FBXO32: variants seen among roughly 807,000 people sequenced by gnomAD.
The protein encoded by FBXO32 is F-box protein 32, also known as F-box only protein 32.
FBXO32 carries 15 observed loss-of-function variants against 48.3 expected under a neutral mutation model. That is an observed-to-expected ratio of 0.31 (90% confidence interval 0.21 to 0.48). FBXO32 has a LOEUF of 0.48. FBXO32 is among the 20% of genes least tolerant of loss of function. The pLI is 0.99. For missense variants in FBXO32, 309 were observed against 432.7 expected (o/e 0.71, Z 2.54); for synonymous variants, 154 against 165.9 (o/e 0.93, Z 0.55).
rs553983008 is a variant in FBXO32, at chr8:123,531,662, G to A, written c.372+236C>T. Among the ~76,000 whole-genome samples, 12 of 152,284 alleles carry A rather than the reference G, an allele frequency of 7.9e-5. No individual in the cohort carries two copies. The East Asian group carries it at 2.1e-3, about 27-fold the overall frequency. On this transcript the variant is annotated intron_variant, in intron 4 of 8. Coordinates refer to ENST00000517956, the MANE Select transcript of FBXO32 (RefSeq NM_058229.4). ...AATGGCTCTTTAACCGACTCACTGGGGTATTATGGCGGCCCCTGCCCATCC... is the reference window on the plus strand; with the variant it reads ...AATGGCTCTTTAACCGACTCACTGGAGTATTATGGCGGCCCCTGCCCATCC...
At chr8:123,535,827 G>GT (rs397717101) in intron 1 of FBXO32, among the ~76,000 whole-genome samples, 40,120 of 146,650 alleles carry the variant, frequency 0.27, 6,083 homozygotes, top group African/African-American at 0.41. Flanking sequence ...TAAATTAGGG[G>GT]TTTTTTTTTT....
At chr8:123,518,745 AC>A (rs1443843615) in intron 4 of FBXO32, among the ~76,000 whole-genome samples, 1 of 152,188 alleles carries the variant, frequency 6.6e-6, no homozygotes, top group Non-Finnish European at 1.5e-5. Flanking sequence ...TCAGAGAAGT[AC>A]TCACCTAAAG....
intron 4 of FBXO32, among the ~76,000 whole-genome samples, chr8:123,518,055 T>G (rs980417046): frequency 6.6e-6 from 1 of 152,236 alleles, no homozygotes; most frequent in South Asian, 2.1e-4. Context: ...TGGGCATGGG[T>G]GTATTCCAAT....
chr8:123,530,795 T>A (rs1431295455), intron 4 of FBXO32, among the ~76,000 whole-genome samples: 1 of 151,174 alleles, frequency 6.6e-6, no homozygotes, highest in Non-Finnish European at 1.5e-5. Context: ...TTTTTTGTAT[T>A]TTTAGTAGAG....
Position 123,516,370 on chromosome 8 carries a change from A to T in FBXO32, c.373-2037T>A, listed in dbSNP as rs1434003800. Among the ~76,000 whole-genome samples the T allele has an allele frequency of 2.0e-5, 3 of 152,184 alleles. No homozygotes were observed. In the East Asian group the frequency reaches 5.8e-4, roughly 29 times the overall value. On this transcript the variant is annotated intron_variant, in intron 4 of 8. Transcript: ENST00000517956. Reference sequence around the variant, plus strand: ...AACCGAGACCCCTCCTTTACACTGAAGCTAGAATCTCCGCTCCTAGGAAAC... The same window carrying T: ...AACCGAGACCCCTCCTTTACACTGATGCTAGAATCTCCGCTCCTAGGAAAC...
At chr8:123,512,139 G>A (rs1446577733) in intron 6 of FBXO32, among the ~76,000 whole-genome samples, 5 of 152,114 alleles carry the variant, frequency 3.3e-5, no homozygotes, top group African/African-American at 1.2e-4. Context: ...ACTTGCATCC[G>A]TGCTCTGCTC....
rs929747471 is a variant in FBXO32, at chr8:123,541,197, C to G, written c.-183G>C. 2.2e-5 allele frequency: 8 copies of G among 365,454 alleles called. No homozygotes were observed. The highest frequency in any genetic ancestry group is 1.7e-4 in the East Asian group (4 of 23,982). 22.6% of individuals were successfully genotyped at this position (365,454 alleles called of 1,614,324 possible). On this transcript the variant is annotated 5_prime_UTR_variant, in exon 1 of 9. Coordinates refer to ENST00000517956, the MANE Select transcript of FBXO32 (RefSeq NM_058229.4). ...AGAGGATCTCAAGCGTTGCAGGCTC[C>G]GGGAGTGCTGCGCGGCAGTAGCTGC...
chr8:123,539,355 G>T (rs1427203060), intron 1 of FBXO32, among the ~76,000 whole-genome samples: 1 of 152,196 alleles, frequency 6.6e-6, no homozygotes, highest in Non-Finnish European at 1.5e-5. Context: ...AAGGAAGGAA[G>T]GTTCCCATTT....
At chr8:123,522,205 C>CTT (rs138504281) in intron 4 of FBXO32, among the ~76,000 whole-genome samples, 101 of 115,238 alleles carry the variant, frequency 8.8e-4, no homozygotes, top group Non-Finnish European at 1.1e-3. Flanking sequence ...ATCCTGGTTA[C>CTT]TTTTTTTTTT....
In FBXO32 at chr8:123,497,983, A is replaced by G. The variant is rs542360629; in HGVS notation, c.*5390T>C. On this transcript the variant is annotated 3_prime_UTR_variant, in exon 9 of 9. Coordinates refer to ENST00000517956, the MANE Select transcript of FBXO32 (RefSeq NM_058229.4). ...ACAAACAACTATAAAAAATCAGTTCATCATGCAAGAAAAGTGTGCAAATAA... is the reference window on the plus strand; with the variant it reads ...ACAAACAACTATAAAAAATCAGTTCGTCATGCAAGAAAAGTGTGCAAATAA... 1.3e-5 allele frequency: 2 copies of G among 152,386 alleles called. No homozygotes were observed. The highest frequency in any genetic ancestry group is 2.9e-5 in the Non-Finnish European group (2 of 68,046). 9.4% of individuals were successfully genotyped at this position (152,386 alleles called of 1,614,324 possible).
Position 123,531,448 on chromosome 8 carries a change from C to T in FBXO32, c.372+450G>A, listed in dbSNP as rs547547469. On this transcript the variant is annotated intron_variant, in intron 4 of 8. Coordinates refer to ENST00000517956, the MANE Select transcript of FBXO32 (RefSeq NM_058229.4). Reference sequence around the variant, plus strand: ...TCCCCCAGAGTCAGCTGAAGTAGGACAAGAGGGAGACAGTGAGAACAGTCA... The same window carrying T: ...TCCCCCAGAGTCAGCTGAAGTAGGATAAGAGGGAGACAGTGAGAACAGTCA... Among the ~76,000 whole-genome samples, 3 of 152,328 alleles carry T rather than the reference C, an allele frequency of 2.0e-5. No homozygotes were observed. The East Asian group carries it at 5.8e-4, about 29-fold the overall frequency.
intron 4 of FBXO32, among the ~76,000 whole-genome samples, chr8:123,522,847 T>C (rs1263078649): frequency 2.0e-5 from 3 of 152,178 alleles, no homozygotes; most frequent in African/African-American, 7.2e-5. Context: ...CCAAGGCTCC[T>C]AGACTGTACT....
intron 4 of FBXO32, among the ~76,000 whole-genome samples, chr8:123,523,921 C>G (rs1173334483): frequency 6.6e-6 from 1 of 152,134 alleles, no homozygotes; most frequent in Non-Finnish European, 1.5e-5. Context: ...TACCACATAC[C>G]AGGCGCGGTT....
At chr8:123,531,850 T>C in intron 4 of FBXO32, 48 bp downstream of exon 4, 2 of 1,600,714 alleles carry the variant, frequency 1.2e-6, no homozygotes, top group Non-Finnish European at 1.7e-6. Context: ...AAGAGATGAT[T>C]CAACTTGGGA....
At chr8:123,536,079 G>T (rs1817304850) in intron 1 of FBXO32, among the ~76,000 whole-genome samples, 1 of 152,160 alleles carries the variant, frequency 6.6e-6, no homozygotes. Flanking sequence ...GTTAGTATAA[G>T]TATCTTGCTA....
At chr8:123,532,689 G>A (rs1229470843) in intron 3 of FBXO32, among the ~76,000 whole-genome samples, 1 of 152,202 alleles carries the variant, frequency 6.6e-6, no homozygotes, top group African/African-American at 2.4e-5. Flanking sequence ...TTTAGCAAAT[G>A]CCTGTGCAGA....
chr8:123,532,981 G>A (rs1177823490), intron 3 of FBXO32, among the ~76,000 whole-genome samples: 3 of 152,176 alleles, frequency 2.0e-5, no homozygotes, highest in Admixed American at 1.3e-4. Flanking sequence ...CTCATTGAAC[G>A]ACTAGAGGGT....
At position 123,540,864 on chromosome 8, in the gene FBXO32, C is replaced by T; in HGVS notation, c.116+35G>A. On this transcript the variant is annotated intron_variant, in intron 1 of 8. Transcript: ENST00000517956. The surrounding 1 kb of genome is among the most constrained non-coding windows in gnomAD (Gnocchi z 6.4). ...CCCCCAGACCAGCCCGGGTCAGTTT[C>T]GCGGGGGCTGGAAGTTGGTAGCGGG... 4 of 1,569,612 alleles carry T rather than the reference C, an allele frequency of 2.5e-6. No homozygotes were observed. The highest frequency in any genetic ancestry group is 3.5e-6 in the Non-Finnish European group (4 of 1,144,282).
In FBXO32 at chr8:123,504,846, C is replaced by G. The variant is rs747468865; in HGVS notation, c.835-99G>C. The stretch of plus-strand genomic sequence containing the variant: ...AAAAGGTTTACTCTCACCCTTTCCC[C>G]CTCTTTTCAGCTCTACAATAGCCAG... On this transcript the variant is annotated intron_variant, in intron 7 of 8. Transcript: ENST00000517956. 5.1e-6 allele frequency: 6 copies of G among 1,175,234 alleles called. No homozygotes were observed. The South Asian group carries it at 8.9e-5, about 17-fold the overall frequency. The allele number at this position is 1,175,234 out of a possible 1,614,324, so 72.8% of individuals were successfully genotyped here. A position where few individuals can be genotyped will look rare whatever the true frequency, so the allele number is the denominator to read the frequency against.
Sources: gnomAD v4.1 joint callset for allele counts (sites outside exome capture counted in the v4.1 genomes callset) on GRCh38, gnomAD v4.1.1 for gene constraint, Gnocchi (gnomAD v3.1) non-coding constraint, MANE v1.5 for transcripts, NCBI Gene and HGNC (gene_info 2026-07-23, HGNC 2026-07-21) for gene names.